Variants in TMEM132B observed in about 807,000 individuals in gnomAD.
TMEM132B encodes transmembrane protein 132B.
TMEM132B carries 18 observed loss-of-function variants against 90.8 expected under a neutral mutation model. The ratio of observed to expected loss-of-function variants is 0.20; its 90% CI spans 0.14 to 0.29. The LOEUF (loss-of-function observed/expected upper bound fraction) is 0.29, where lower values mean the gene tolerates loss of function less well. Ranked by LOEUF, TMEM132B falls within the 10% of genes least tolerant of loss-of-function variation. TMEM132B has a pLI of 1.00. For synonymous variants in TMEM132B, 504 were observed against 523.3 expected (o/e 0.96, Z 0.50); for missense variants, 1,096 against 1,326.8 (o/e 0.83, Z 2.70).
At chr12:125,290,808 A>AGT (rs1186213021) in intron 1 of TMEM132B, among the ~76,000 whole-genome samples, 4 of 152,100 alleles carry the variant, frequency 2.6e-5, no homozygotes, top group Non-Finnish European at 5.9e-5. Flanking sequence ...CTTCCTCCAG[A>AGT]GTGTATACTT....
In TMEM132B at chr12:125,387,796, T is replaced by TATCC. The variant is rs34127585; in HGVS notation, c.960-27718_960-27715dup. 5.9e-3 allele frequency among the ~76,000 whole-genome samples: 891 copies of TATCC among 152,292 alleles called. 9 individuals are homozygous for TATCC. Among genetic ancestry groups the TATCC allele is most frequent in the African/African-American group, 0.019 (775 of 41,566 alleles). On this transcript the variant is annotated intron_variant, in intron 2 of 8. Coordinates refer to ENST00000682704, the MANE Select transcript of TMEM132B (RefSeq NM_001366854.1). ...TCCTCCTGTTTATTAATTTATCCGT[T>TATCC]ATCCATCCATCCATCCATCCTTAAC...
chr12:125,336,036 G>A (rs915707208), intron 1 of TMEM132B, among the ~76,000 whole-genome samples: 1 of 152,116 alleles, frequency 6.6e-6, no homozygotes, highest in African/African-American at 2.4e-5. Context: ...GGTATGGAGC[G>A]CTGTTAAGTT....
intron 3 of TMEM132B, among the ~76,000 whole-genome samples, chr12:125,440,792 A>T (rs1433928284): frequency 2.0e-5 from 3 of 151,952 alleles, no homozygotes; most frequent in African/African-American, 7.3e-5. Context: ...ATATCAGGAG[A>T]TCTGACTAAA....
intron 3 of TMEM132B, among the ~76,000 whole-genome samples, chr12:125,453,076 AACACACACACACACACAC>A (rs60350192): frequency 7.0e-6 from 1 of 143,700 alleles, no homozygotes; most frequent in Admixed American, 7.1e-5. Flanking sequence ...ATTTCAGTAA[AACACACACACACACACAC>A]ACACACACAC....
intron 4 of TMEM132B, among the ~76,000 whole-genome samples, chr12:125,566,292 G>A (rs189884724): frequency 2.0e-5 from 3 of 152,176 alleles, no homozygotes; most frequent in Non-Finnish European, 2.9e-5. Flanking sequence ...GTATAGTCCC[G>A]GACAATTGGA....
intron 1 of TMEM132B, among the ~76,000 whole-genome samples, chr12:125,222,900 G>A (rs1432881284): frequency 6.6e-6 from 1 of 152,198 alleles, no homozygotes; most frequent in African/African-American, 2.4e-5. Flanking sequence ...GATTGTGTCT[G>A]TTCTCACTCA....
rs1485955124 is a variant in TMEM132B, at chr12:125,213,921, G to A, written c.67+27055G>A. Among the ~76,000 whole-genome samples, 2 of 152,204 alleles carry A rather than the reference G, an allele frequency of 1.3e-5. No individual in the cohort carries two copies. Among genetic ancestry groups the A allele is most frequent in the Non-Finnish European group, 2.9e-5 (2 of 68,028 alleles). ...CATTTATCAATCTATCCAAATGGAT[G>A]GATTTAGTCATTCGAATATTTATTG... On this transcript the variant is annotated intron_variant, in intron 1 of 8. Transcript: ENST00000682704. This position sits in a 1 kb window ranked among gnomAD's most constrained non-coding sequence, Gnocchi z 4.2.
chr12:125,589,280 A>C (rs974659024), intron 5 of TMEM132B, among the ~76,000 whole-genome samples: 1 of 152,034 alleles, frequency 6.6e-6, no homozygotes, highest in Non-Finnish European at 1.5e-5. Flanking sequence ...CAGGAGATCG[A>C]GACCATCCTG....
At chr12:125,477,513 T>A (rs1881916800) in intron 3 of TMEM132B, among the ~76,000 whole-genome samples, 1 of 144,678 alleles carries the variant, frequency 6.9e-6, no homozygotes, top group African/African-American at 2.5e-5. Context: ...CGTAATTTTT[T>A]TCCCCAAGAA....
intron 5 of TMEM132B, among the ~76,000 whole-genome samples, chr12:125,633,954 C>T (rs969497676): frequency 6.6e-6 from 1 of 152,128 alleles, no homozygotes; most frequent in African/African-American, 2.4e-5. Flanking sequence ...TGCTCAAGGC[C>T]CTGGGGCTCT....
chr12:125,427,603 G>T (rs1880357109), intron 3 of TMEM132B, among the ~76,000 whole-genome samples: 1 of 152,136 alleles, frequency 6.6e-6, no homozygotes, highest in Non-Finnish European at 1.5e-5. Context: ...CAGCACTTTG[G>T]TAGAATTTTG....
intron 3 of TMEM132B, among the ~76,000 whole-genome samples, chr12:125,465,964 G>A (rs1881553134): frequency 6.6e-6 from 1 of 152,168 alleles, no homozygotes; most frequent in African/African-American, 2.4e-5. Context: ...GCAGCTGCTG[G>A]CACCATGCTT....
intron 4 of TMEM132B, among the ~76,000 whole-genome samples, chr12:125,561,908 G>A (rs1178941093): frequency 6.6e-6 from 1 of 152,122 alleles, no homozygotes; most frequent in African/African-American, 2.4e-5. Flanking sequence ...GTCACCAGCA[G>A]CATTAAACAA....
At chr12:125,304,171 T>C (rs1248144381) in intron 1 of TMEM132B, among the ~76,000 whole-genome samples, 1 of 152,246 alleles carries the variant, frequency 6.6e-6, no homozygotes, top group African/African-American at 2.4e-5. Flanking sequence ...CTAATGCCAC[T>C]GATGATCTGA....
At chr12:125,253,697 A>AG in intron 1 of TMEM132B, among the ~76,000 whole-genome samples, 1 of 151,968 alleles carries the variant, frequency 6.6e-6, no homozygotes, top group Non-Finnish European at 1.5e-5. Flanking sequence ...GCCTTCCCAA[A>AG]TGCTGGGATT....
At chr12:125,297,882 CTCTT>C (rs1396700132) in intron 1 of TMEM132B, among the ~76,000 whole-genome samples, 11 of 152,206 alleles carry the variant, frequency 7.2e-5, no homozygotes, top group African/African-American at 2.4e-4. Flanking sequence ...TTCCTCCTCT[CTCTT>C]TCTCCCACAT....
chr12:125,244,709 C>T (rs570118459), intron 1 of TMEM132B, among the ~76,000 whole-genome samples: 29 of 152,306 alleles, frequency 1.9e-4, no homozygotes, highest in African/African-American at 2.4e-4. Flanking sequence ...CACATGACAG[C>T]GAGACCCCCT....
At chr12:125,318,011 T>C (rs546761438) in intron 1 of TMEM132B, among the ~76,000 whole-genome samples, 3 of 152,284 alleles carry the variant, frequency 2.0e-5, no homozygotes, top group South Asian at 2.1e-4. Flanking sequence ...GGATACCAAA[T>C]AGTAGCAAAG....
chr12:125,529,663 C>T (rs1017562439), intron 4 of TMEM132B, among the ~76,000 whole-genome samples: 2 of 152,164 alleles, frequency 1.3e-5, no homozygotes, highest in African/African-American at 4.8e-5. Flanking sequence ...CCACATGGGC[C>T]CTTGGGGTCT....
Sources: gnomAD v4.1 joint callset for allele counts (sites outside exome capture counted in the v4.1 genomes callset) on GRCh38, gnomAD v4.1.1 for gene constraint, Gnocchi (gnomAD v3.1) non-coding constraint, MANE v1.5 for transcripts, NCBI Gene and HGNC (gene_info 2026-07-23, HGNC 2026-07-21) for gene names.